Variants in NOTCH2 observed in about 807,000 individuals in gnomAD.
NOTCH2 encodes neurogenic locus notch homolog protein 2.
NOTCH2 carries 29 observed loss-of-function variants against 235.8 expected under a neutral mutation model. That is an observed-to-expected ratio of 0.12 (90% CI 0.09 to 0.17). The LOEUF is 0.17. Ranked by LOEUF, NOTCH2 falls within the 10% of genes least tolerant of loss-of-function variation. NOTCH2 has a pLI of 1.00. For synonymous variants in NOTCH2, 1,086 were observed against 1,141.5 expected, an observed-to-expected ratio of 0.95 and a Z score of 0.98; for missense variants, 2,285 against 3,150.2, an observed-to-expected ratio of 0.73 and a Z score of 6.57.
At chr1:119,942,180 T>C (rs1348189443) in intron 17 of NOTCH2, among the ~76,000 whole-genome samples, 1 of 152,184 alleles carries the variant, frequency 6.6e-6, no homozygotes, top group Non-Finnish European at 1.5e-5. Context: ...CTCCCTTTCA[T>C]TTCCATCTCC....
intron 5 of NOTCH2, 124 bp downstream of exon 5, chr1:119,986,836 G>T: frequency 8.3e-7 from 1 of 1,204,008 alleles, no homozygotes; most frequent in Non-Finnish European, 1.2e-6. Context: ...TGGAGATCCT[G>T]CTCAGTTCAC....
At chr1:120,023,888 TATTG>T (rs781885358) in intron 2 of NOTCH2, among the ~76,000 whole-genome samples, 1 of 151,132 alleles carries the variant, frequency 6.6e-6, no homozygotes, top group African/African-American at 2.4e-5. Context: ...ATGATAACAA[TATTG>T]ATTAACTGCA....
chr1:119,978,174 G>T (rs1651665044), intron 5 of NOTCH2, among the ~76,000 whole-genome samples: 1 of 151,504 alleles, frequency 6.6e-6, no homozygotes, highest in South Asian at 2.1e-4. Flanking sequence ...TAGAGAAAGG[G>T]TGGAGTGCGG....
intron 2 of NOTCH2, among the ~76,000 whole-genome samples, chr1:120,017,256 T>C (rs1653480817): frequency 7.3e-6 from 1 of 136,204 alleles, no homozygotes; most frequent in East Asian, 2.2e-4. Flanking sequence ...TCCAGACCTC[T>C]GTACACGCTG....
chr1:119,960,921 C>A (rs587708089), intron 11 of NOTCH2, among the ~76,000 whole-genome samples: 2 of 152,254 alleles, frequency 1.3e-5, no homozygotes, highest in African/African-American at 4.8e-5. Context: ...CCACCTCGGC[C>A]TCCCAAAATG....
rs1650035588 is a variant in NOTCH2 at position 119,940,721 on chromosome 1, A to T, written c.3017T>A (p.Ile1006Asn). The T allele has an allele frequency of 6.2e-7, 1 of 1,614,208 alleles. No homozygotes were observed. Among genetic ancestry groups the T allele is most frequent in the African/African-American group, 1.3e-5 (1 of 75,056 alleles). ...AGGGCACAAGCAAGAGAAGGAGTTA[A>T]TCCCATCAACACATGTGCCACCATT... Reference protein sequence around the residue: ...CFNGGTCVDGINSFSCLCPVG... With the variant: ...CFNGGTCVDGNNSFSCLCPVG... Residue 1006 changes from isoleucine (I) to asparagine (N), a missense_variant, in exon 19 of 34, where the codon ATT (isoleucine) becomes AAT (asparagine). Ile to Asn is a moderately radical substitution (Grantham distance 149). Around this residue, in one of 6 missense-constraint regions of NOTCH2, gnomAD observed 1,173 missense variants for 1,515.3 expected, o/e 0.77. Transcript: ENST00000256646.
At chr1:119,986,284 A>G (rs2101182986) in intron 5 of NOTCH2, among the ~76,000 whole-genome samples, 2 of 152,324 alleles carry the variant, frequency 1.3e-5, no homozygotes, top group Middle Eastern at 6.8e-3. Context: ...ACAGACATAA[A>G]GAGAAATTAG....
chr1:119,954,999 CA>C (rs1553198224), intron 13 of NOTCH2, 40 bp downstream of exon 13: 1 of 1,606,838 alleles, frequency 6.2e-7, no homozygotes, highest in Admixed American at 1.7e-5. Flanking sequence ...ACTGGCTTAA[CA>C]CAGGTCAATA....
At chr1:119,970,122 AC>A (rs1338384985) in intron 5 of NOTCH2, among the ~76,000 whole-genome samples, 1 of 152,032 alleles carries the variant, frequency 6.6e-6, no homozygotes, top group Non-Finnish European at 1.5e-5. Flanking sequence ...ATGAGAAGGA[AC>A]CTATATGCCA....
chr1:119,986,033 G>A (rs1300399566), intron 5 of NOTCH2, among the ~76,000 whole-genome samples: 1 of 152,184 alleles, frequency 6.6e-6, no homozygotes, highest in Non-Finnish European at 1.5e-5. Context: ...AAAGAGTATT[G>A]TAAATAATTA....
At chr1:119,969,989 A>G (rs1293489317) in intron 5 of NOTCH2, among the ~76,000 whole-genome samples, 1 of 152,260 alleles carries the variant, frequency 6.6e-6, no homozygotes, top group African/African-American at 2.4e-5. Flanking sequence ...ATTAGGGTTT[A>G]GCCAACTTAT....
At chr1:119,949,383 CTTT>C (rs1175930294) in intron 15 of NOTCH2, among the ~76,000 whole-genome samples, 4 of 112,726 alleles carry the variant, frequency 3.5e-5, no homozygotes, top group Non-Finnish European at 3.7e-5. Flanking sequence ...ACTACTATTT[CTTT>C]TTTTTTTTTT....
chr1:119,946,086 A>G (rs1553197017), intron 17 of NOTCH2, among the ~76,000 whole-genome samples: 2 of 152,116 alleles, frequency 1.3e-5, no homozygotes, highest in Non-Finnish European at 2.9e-5. Flanking sequence ...AAATTTGACA[A>G]AACAGGTGAA....
At chr1:119,981,888 A>C (rs782591198) in intron 5 of NOTCH2, among the ~76,000 whole-genome samples, 1 of 152,054 alleles carries the variant, frequency 6.6e-6, no homozygotes, top group Non-Finnish European at 1.5e-5. Context: ...TTGAAATACC[A>C]TATATAATTA....
chr1:119,996,390 T>G, intron 4 of NOTCH2: 1 of 491,676 alleles, frequency 2.0e-6, no homozygotes, highest in Non-Finnish European at 3.7e-6. Flanking sequence ...AAGTGCTCAC[T>G]GATTAACAGA....
chr1:119,925,787 C>T lies in NOTCH2; in HGVS notation c.4029G>A (p.Gln1343=), dbSNP rs1299994808. The T allele has an allele frequency of 6.2e-7, 1 of 1,614,046 alleles. No homozygotes were observed. Among genetic ancestry groups the T allele is most frequent in the African/African-American group, 1.3e-5 (1 of 74,938 alleles). The change falls in exon 25 of 34, where the codon CAG becomes CAA. Residue 1343 remains glutamine (Q), a synonymous_variant. Coordinates refer to ENST00000256646, the MANE Select transcript of NOTCH2 (RefSeq NM_024408.4). Reference sequence around the variant, plus strand: ...TACATTTCACTTGTCCACAGCTGCTCTGGCACCTTGCCCCGGAAAATCCCT... The same window carrying T: ...TACATTTCACTTGTCCACAGCTGCTTTGGCACCTTGCCCCGGAAAATCCCT... ...CPPGFSGARC[Q]SSCGQVKCRK...
Position 120,068,949 on chromosome 1 carries a change from T to C in NOTCH2, c.73+385A>G, listed in dbSNP as rs1313698802. On this transcript the variant is annotated intron_variant, in intron 1 of 33. Coordinates refer to ENST00000256646, the MANE Select transcript of NOTCH2 (RefSeq NM_024408.4). ...ACGCCAGAATCTGGCATTCCTTCGC[T>C]CAGCCCCTCCGAGGCCCGCCGTCGG... 4.6e-6 allele frequency: 4 copies of C among 862,576 alleles called. No individual in the cohort carries two copies. The Admixed American group carries it at 9.1e-5, about 20-fold the overall frequency. The allele number at this position is 862,576 out of a possible 1,614,324, so 53.4% of individuals were successfully genotyped here.
intron 30 of NOTCH2, 56 bp downstream of exon 30, chr1:119,920,173 T>G (rs749894933): frequency 6.2e-7 from 1 of 1,601,962 alleles, no homozygotes; most frequent in Non-Finnish European, 8.5e-7. Context: ...GGGACAACAA[T>G]GTGGAACCAT....
At chr1:119,970,419 T>C (rs1161856958) in intron 5 of NOTCH2, among the ~76,000 whole-genome samples, 1 of 152,172 alleles carries the variant, frequency 6.6e-6, no homozygotes, top group Non-Finnish European at 1.5e-5. Context: ...AGGCCAAGAA[T>C]AATGAGACTG....
Sources: gnomAD v4.1 joint callset for allele counts (sites outside exome capture counted in the v4.1 genomes callset) on GRCh38, gnomAD v4.1.1 for gene constraint, gnomAD v4.1.1 regional missense constraint, MANE v1.5 for transcripts, NCBI Gene and HGNC (gene_info 2026-07-23, HGNC 2026-07-21) for gene names.